Variants in RABGAP1L observed in about 807,000 individuals in gnomAD.
The protein encoded by RABGAP1L is RAB GTPase activating protein 1 like.
Under a neutral mutation model 137.7 loss-of-function variants are expected in RABGAP1L, and 63 were observed. That is an observed-to-expected ratio of 0.46 (90% CI 0.37 to 0.56). RABGAP1L has a LOEUF of 0.56. RABGAP1L is among the 20% of genes least tolerant of loss of function. The pLI is 0.00. For synonymous variants in RABGAP1L, 431 were observed against 433.7 expected (o/e 0.99, Z 0.08); for missense variants, 1,095 against 1,244.0 (o/e 0.88, Z 1.80).
At chr1:174,264,584 G>A (rs571425648) in intron 7 of RABGAP1L, among the ~76,000 whole-genome samples, 1 of 152,202 alleles carries the variant, frequency 6.6e-6, no homozygotes, top group South Asian at 2.1e-4. Flanking sequence ...GTTTGACACT[G>A]TCCCAAACTT....
chr1:174,511,780 A>C (rs1325388019), intron 13 of RABGAP1L, among the ~76,000 whole-genome samples: 1 of 151,468 alleles, frequency 6.6e-6, no homozygotes, highest in South Asian at 2.1e-4. Context: ...GCACCACCAC[A>C]CCCAGCTGAT....
At chr1:174,792,436 T>G (rs1020896976) in intron 18 of RABGAP1L, among the ~76,000 whole-genome samples, 3 of 152,210 alleles carry the variant, frequency 2.0e-5, no homozygotes, top group African/African-American at 7.2e-5. Flanking sequence ...TCTTTGAATA[T>G]TTTAATTAAC....
chr1:174,365,799 C>T (rs181504154), intron 11 of RABGAP1L, among the ~76,000 whole-genome samples: 1 of 152,326 alleles, frequency 6.6e-6, no homozygotes, highest in African/African-American at 2.4e-5. Context: ...AAACCATGCG[C>T]TGTGATTGCT....
At chr1:174,502,692 A>G (rs999261992) in intron 13 of RABGAP1L, among the ~76,000 whole-genome samples, 16 of 150,116 alleles carry the variant, frequency 1.1e-4, no homozygotes, top group South Asian at 6.3e-4. Flanking sequence ...ATGTGTGTGT[A>G]TATATACATA....
intron 13 of RABGAP1L, among the ~76,000 whole-genome samples, chr1:174,603,120 G>C (rs146953936): frequency 6.6e-6 from 1 of 152,262 alleles, no homozygotes; most frequent in Non-Finnish European, 1.5e-5. Flanking sequence ...TGAAGGAATT[G>C]AGTATTGTGG....
At chr1:174,931,990 GTTTTTTTTTTTTTT>G (rs532860564) in intron 19 of RABGAP1L, among the ~76,000 whole-genome samples, 2 of 69,648 alleles carry the variant, frequency 2.9e-5, no homozygotes, top group Admixed American at 3.7e-4. Flanking sequence ...TGCTTTTTTG[GTTTTTTTTTTTTTT>G]TTTTTTTTTT....
intron 20 of RABGAP1L, among the ~76,000 whole-genome samples, chr1:174,963,115 T>G (rs1346601600): frequency 1.3e-5 from 2 of 152,064 alleles, no homozygotes; most frequent in African/African-American, 2.4e-5. Context: ...AAAAAAAATT[T>G]TTTTTCTGCC....
At chr1:174,285,984 G>A (rs1025029870) in intron 10 of RABGAP1L, among the ~76,000 whole-genome samples, 2 of 152,100 alleles carry the variant, frequency 1.3e-5, no homozygotes, top group Non-Finnish European at 2.9e-5. Context: ...CAGCTTGCTA[G>A]TGTTTTGTTG....
intron 19 of RABGAP1L, among the ~76,000 whole-genome samples, chr1:174,833,469 G>GATATATATATA (rs1692397531): frequency 4.2e-5 from 1 of 23,686 alleles, no homozygotes; most frequent in Admixed American, 7.6e-4. Flanking sequence ...TATATATATA[G>GATATATATATA]TAGAGACAGG....
chr1:174,616,546 G>C (rs931655482), intron 13 of RABGAP1L, among the ~76,000 whole-genome samples: 1 of 152,118 alleles, frequency 6.6e-6, no homozygotes, highest in African/African-American at 2.4e-5. Flanking sequence ...AATCAAATGG[G>C]GGTATTCAGA....
chr1:174,428,017 A>G (rs1450828185), intron 13 of RABGAP1L, among the ~76,000 whole-genome samples: 1 of 152,208 alleles, frequency 6.6e-6, no homozygotes, highest in Admixed American at 6.5e-5. Context: ...CTTCTAGTGA[A>G]TACATCCCTG....
chr1:174,503,672 A>AAAAAAG (rs985872294), intron 13 of RABGAP1L, among the ~76,000 whole-genome samples: 3 of 138,460 alleles, frequency 2.2e-5, no homozygotes, highest in Non-Finnish European at 4.6e-5. Context: ...AAAAAAAAAA[A>AAAAAAG]AAAGAAATGT....
At chr1:174,378,695 C>CA (rs1248198648) in intron 12 of RABGAP1L, among the ~76,000 whole-genome samples, 1 of 151,734 alleles carries the variant, frequency 6.6e-6, no homozygotes, top group African/African-American at 2.4e-5. Context: ...AGTCCTTTGT[C>CA]AGATGAGTAG....
chr1:174,361,225 G>GTTTTT (rs376884093), intron 11 of RABGAP1L, among the ~76,000 whole-genome samples: 2 of 133,302 alleles, frequency 1.5e-5, no homozygotes, highest in African/African-American at 5.5e-5. Context: ...CTCCAGTTTT[G>GTTTTT]TTTTTTTTTT....
rs776841646 is a variant in RABGAP1L at position 174,648,723 on chromosome 1, G to C, written c.1824+11235G>C. Among the ~76,000 whole-genome samples, 3 of 152,062 alleles carry C rather than the reference G, an allele frequency of 2.0e-5. No homozygotes were observed. In the East Asian group the frequency reaches 5.8e-4, roughly 29 times the overall value. On this transcript the variant is annotated intron_variant, in intron 14 of 25. Transcript: ENST00000681986. ...TGTAGATATCTATTAGGTCCGCTTG[G>C]TCTAGAGCTGAGTTCAAGTCCTGAA...
intron 19 of RABGAP1L, among the ~76,000 whole-genome samples, chr1:174,815,027 G>A (rs916305385): frequency 5.9e-5 from 9 of 151,808 alleles, no homozygotes; most frequent in African/African-American, 1.7e-4. Context: ...ACTTCTCCCC[G>A]GATCCCAAGA....
At chr1:174,244,752 A>G (rs926541838) in intron 5 of RABGAP1L, 2 of 152,192 alleles carry the variant, frequency 1.3e-5, no homozygotes, top group Non-Finnish European at 2.9e-5. Context: ...ATCTTTTTGG[A>G]TATATTATAT....
chr1:174,423,028 T>C (rs965376828), intron 13 of RABGAP1L, among the ~76,000 whole-genome samples: 3 of 152,062 alleles, frequency 2.0e-5, no homozygotes, highest in Non-Finnish European at 4.4e-5. Context: ...CACACTTTTT[T>C]CCCAAAATGT....
intron 11 of RABGAP1L, among the ~76,000 whole-genome samples, chr1:174,343,933 A>G (rs1682209042): frequency 1.3e-5 from 2 of 152,200 alleles, no homozygotes; most frequent in East Asian, 1.9e-4. Context: ...TTTCTCTTAG[A>G]TGTTTATTGA....
Sources: allele counts gnomAD v4.1 joint callset (sites outside exome capture counted in the v4.1 genomes callset), GRCh38; gene constraint gnomAD v4.1.1; transcripts MANE v1.5; gene names NCBI Gene and HGNC (gene_info 2026-07-23, HGNC 2026-07-21).